Variants in SLC13A2 observed in about 807,000 individuals in gnomAD.
SLC13A2 encodes the protein Na(+)-coupled citrate transporter.
In SLC13A2, 40 loss-of-function variants were observed where a neutral mutation model predicts 58.5. The ratio of observed to expected loss-of-function variants is 0.68; its 90% CI spans 0.53 to 0.89. The LOEUF (loss-of-function observed/expected upper bound fraction) is 0.89, where lower values mean the gene tolerates loss of function less well. SLC13A2 is among the 40% of genes least tolerant of loss of function. The pLI, the probability that SLC13A2 is intolerant of heterozygous loss-of-function variation, is 0.00. For synonymous variants in SLC13A2, 341 were observed against 331.6 expected (o/e 1.03, Z -0.31); for missense variants, 694 against 772.6 (o/e 0.90, Z 1.21).
rs781916953 is a variant in SLC13A2 at position 28,493,711 on chromosome 17, T to C, written c.1019T>C (p.Val340Ala). 6.2e-7 allele frequency: 1 copy of C among 1,614,214 alleles called. No individual in the cohort carries two copies. The highest frequency in any genetic ancestry group is 1.1e-5 in the South Asian group (1 of 91,084). ...KAISILFVIL[V>A]LLWFTREPGF... ...ATCAGCATCCTATTCGTCATCCTGG[T>C]GCTGCTCTGGTTCACCCGGGAGCCG... is the stretch of plus-strand genomic sequence containing the variant. Residue 340 changes from valine (V) to alanine (A), a missense_variant, in exon 7 of 12, where the codon GTG becomes GCG. Coordinates refer to ENST00000314669, the MANE Select transcript of SLC13A2 (RefSeq NM_003984.4).
chr17:28,491,586 C>T lies in SLC13A2; in HGVS notation c.724C>T (p.Pro242Ser). The change falls in exon 5 of 12, where the codon CCC (proline) becomes TCC (serine). Residue 242 changes from proline to serine, a missense_variant. Physicochemically the swap from Pro to Ser is moderately conservative, Grantham distance 74. Coordinates refer to ENST00000314669, the MANE Select transcript of SLC13A2 (RefSeq NM_003984.4). ...CATCGCCACGCTGACTGGCACCGCA[C>T]CCAACCTGGTGCTGCAAGGCCAGAT... ...GGIATLTGTA[P>S]NLVLQGQINS... The T allele has an allele frequency of 6.2e-7, 1 of 1,613,500 alleles. No individual in the cohort carries two copies. Among genetic ancestry groups the T allele is most frequent in the African/African-American group, 1.3e-5 (1 of 75,064 alleles).
chr17:28,481,428 G>A (rs569751374), intron 1 of SLC13A2, among the ~76,000 whole-genome samples: 1 of 152,330 alleles, frequency 6.6e-6, no homozygotes, highest in Non-Finnish European at 1.5e-5. Flanking sequence ...AGGCAGGCAT[G>A]GGGTGGGAAA....
intron 2 of SLC13A2, 175 bp from the exon 3 acceptor site, chr17:28,490,279 A>G (rs782037630): frequency 2.2e-5 from 34 of 1,565,314 alleles, no homozygotes; most frequent in Non-Finnish European, 2.7e-5. Context: ...GTCTCCAAAA[A>G]GTTAAATTTA....
At chr17:28,476,533 C>T (rs2068674064) in intron 1 of SLC13A2, among the ~76,000 whole-genome samples, 1 of 152,016 alleles carries the variant, frequency 6.6e-6, no homozygotes, top group Non-Finnish European at 1.5e-5. Context: ...CCCCTGTGAC[C>T]CACCTCTCGC....
chr17:28,481,922 T>A (rs73276448), intron 1 of SLC13A2, among the ~76,000 whole-genome samples: 2 of 150,610 alleles, frequency 1.3e-5, no homozygotes, highest in African/African-American at 4.9e-5. Flanking sequence ...CAGCCTTCCA[T>A]GTAGCCACAC....
At position 28,490,588 on chromosome 17, in the gene SLC13A2, C is replaced by T. The variant is rs372789191; in HGVS notation, c.366C>T (p.Ala122=). 4.2e-4 allele frequency: 671 copies of T among 1,595,844 alleles called. 7 individuals carry two copies. The South Asian group carries it at 7.1e-3, about 17-fold the overall frequency. ...RVLLIVGVRP[A]PLILGFMLVT... is the part of the protein sequence containing the mutation. Reference sequence around the variant, plus strand: ...TCCTCATCGTTGGGGTGCGGCCTGCCCCGTGAGTTCCTCCTGCAAACCAGC... The same window carrying T: ...TCCTCATCGTTGGGGTGCGGCCTGCTCCGTGAGTTCCTCCTGCAAACCAGC... The change falls in exon 3 of 12, where the codon GCC becomes GCT. Residue 122 remains alanine (A), a splice_region_variant and synonymous_variant. Transcript: ENST00000314669.
chr17:28,486,735 G>T (rs1410344451), intron 1 of SLC13A2, among the ~76,000 whole-genome samples: 1 of 151,924 alleles, frequency 6.6e-6, no homozygotes, highest in Non-Finnish European at 1.5e-5. Flanking sequence ...GACATAGGCA[G>T]CAGGGAGCAG....
At chr17:28,480,233 C>T (rs1303556558) in intron 1 of SLC13A2, among the ~76,000 whole-genome samples, 1 of 151,632 alleles carries the variant, frequency 6.6e-6, no homozygotes, top group African/African-American at 2.4e-5. Flanking sequence ...CTTAGGAGAA[C>T]CAAGGTGGGA....
At chr17:28,486,821 T>G in intron 1 of SLC13A2, among the ~76,000 whole-genome samples, 1 of 146,618 alleles carries the variant, frequency 6.8e-6, no homozygotes. Context: ...TGATACAAGG[T>G]CTCACTCCAG....
At chr17:28,483,971 C>T (rs148208281) in intron 1 of SLC13A2, among the ~76,000 whole-genome samples, 117 of 152,270 alleles carry the variant, frequency 7.7e-4, no homozygotes, top group African/African-American at 2.6e-3. Flanking sequence ...TTCAGTCTGC[C>T]CTTCAGGCCA....
chr17:28,493,535 G>A (rs1555603908), intron 6 of SLC13A2, 36 bp from the exon 7 acceptor site: 1 of 1,545,506 alleles, frequency 6.5e-7, no homozygotes, highest in Non-Finnish European at 8.8e-7. Context: ...TGCTGGAGCA[G>A]GCCCCCCACG....
At chr17:28,491,644 G>T in intron 5 of SLC13A2, 27 bp downstream of exon 5, 1 of 1,609,920 alleles carries the variant, frequency 6.2e-7, no homozygotes, top group Non-Finnish European at 8.5e-7. Flanking sequence ...GGGCCACCTT[G>T]GGGGATCTGC....
chr17:28,485,724 C>T (rs1316621130), intron 1 of SLC13A2, among the ~76,000 whole-genome samples: 1 of 152,064 alleles, frequency 6.6e-6, no homozygotes, highest in Non-Finnish European at 1.5e-5. Context: ...CAGTGGCTCA[C>T]ACCTGTAATC....
rs782230907 is a variant in SLC13A2, at chr17:28,491,890, G to T, written c.878+38G>T. 3.1e-6 allele frequency: 5 copies of T among 1,600,956 alleles called. No individual in the cohort carries two copies. The African/African-American group carries it at 6.7e-5, about 22-fold the overall frequency. On this transcript the variant is annotated intron_variant, in intron 6 of 11. Coordinates refer to ENST00000314669, the MANE Select transcript of SLC13A2 (RefSeq NM_003984.4). Reference sequence around the variant, plus strand: ...GTTGGTGAGAGAAGCCCAGGTCCCTGCCCTTAGCCCTGGGAGCTTCCAGTT... The same window carrying T: ...GTTGGTGAGAGAAGCCCAGGTCCCTTCCCTTAGCCCTGGGAGCTTCCAGTT...
At chr17:28,490,060 G>T (rs2068972398) in intron 2 of SLC13A2, among the ~76,000 whole-genome samples, 1 of 152,160 alleles carries the variant, frequency 6.6e-6, no homozygotes, top group Admixed American at 6.5e-5. Context: ...GATCACTTGA[G>T]CTCAGGAGTT....
chr17:28,494,372 T>G lies in SLC13A2; in HGVS notation c.1187-19T>G. On this transcript the variant is annotated intron_variant, in intron 8 of 11. Coordinates refer to ENST00000314669, the MANE Select transcript of SLC13A2 (RefSeq NM_003984.4). The surrounding 1 kb of genome is among the most constrained non-coding windows in gnomAD (Gnocchi z 4.0). ...CTGTTTGTTCTTTGGTGACCCATCC[T>G]TCTCTGCTTGGGAAGTAGAAAACCC... 1.9e-6 allele frequency: 3 copies of G among 1,614,192 alleles called. No homozygotes were observed. Among genetic ancestry groups the G allele is most frequent in the Non-Finnish European group, 1.7e-6 (2 of 1,180,028 alleles).
intron 6 of SLC13A2, 46 bp from the exon 7 acceptor site, chr17:28,493,525 T>C (rs1555603901): frequency 6.6e-7 from 1 of 1,518,864 alleles, no homozygotes; most frequent in Non-Finnish European, 8.9e-7. Context: ...CCTTGCTCCC[T>C]GCTGGAGCAG....
At chr17:28,491,314 C>A in intron 4 of SLC13A2, 123 bp from the exon 5 acceptor site, 1 of 1,088,360 alleles carries the variant, frequency 9.2e-7, no homozygotes, top group Non-Finnish European at 1.3e-6. Flanking sequence ...ATCCTCTGTC[C>A]TCCTTCCAGC....
rs12939182 is a variant in SLC13A2 at position 28,477,688 on chromosome 17, T to C, written c.102+3874T>C. On this transcript the variant is annotated intron_variant, in intron 1 of 11. Transcript: ENST00000314669. ...AATAATAATATTGACATTTGTTGAG[T>C]ATATTTTATGTGCTTGACATTATGC... Among the ~76,000 whole-genome samples the C allele has an allele frequency of 6.7e-3, 1,023 of 152,320 alleles. 5 individuals are homozygous for C. Among genetic ancestry groups the C allele is most frequent in the Middle Eastern group, 0.01 (3 of 294 alleles).
Sources: allele counts gnomAD v4.1 joint callset (sites outside exome capture counted in the v4.1 genomes callset), GRCh38; gene constraint gnomAD v4.1.1; non-coding constraint Gnocchi (gnomAD v3.1); transcripts MANE v1.5; gene names NCBI Gene and HGNC (gene_info 2026-07-23, HGNC 2026-07-21).